Variants in ELP1 observed in about 807,000 individuals in gnomAD.
ELP1 encodes the protein elongator complex protein 1.
Under a neutral mutation model 183.2 loss-of-function variants are expected in ELP1, and 131 were observed. The ratio of observed to expected loss-of-function variants is 0.72; its 90% CI spans 0.62 to 0.83. The LOEUF is 0.83. ELP1 is among the 40% of genes least tolerant of loss of function. The pLI is 0.00. For synonymous variants in ELP1, 555 were observed against 569.0 expected, an observed-to-expected ratio of 0.98 and a Z score of 0.35; for missense variants, 1,550 against 1,594.9, an observed-to-expected ratio of 0.97 and a Z score of 0.48.
chr9:108,921,031 A>C (rs1829625590), intron 6 of ELP1, among the ~76,000 whole-genome samples: 1 of 152,086 alleles, frequency 6.6e-6, no homozygotes, highest in Admixed American at 6.5e-5. Context: ...TTAAAGTACT[A>C]TTTTTTAACA....
intron 35 of ELP1, chr9:108,875,806 C>A: frequency 3.0e-6 from 1 of 338,492 alleles, no homozygotes; most frequent in Non-Finnish European, 5.8e-6. Context: ...CAGGAGACTG[C>A]GGTGGGAGGA....
At chr9:108,878,503 T>C in intron 34 of ELP1, 120 bp downstream of exon 34, 1 of 1,336,118 alleles carries the variant, frequency 7.5e-7, no homozygotes, top group African/African-American at 1.4e-5. Context: ...CTGCTAAAAG[T>C]TCTCATCTTT....
intron 33 of ELP1, 92 bp downstream of exon 33, chr9:108,879,354 T>A (rs1827824331): frequency 1.1e-5 from 10 of 915,440 alleles, no homozygotes; most frequent in South Asian, 1.1e-4. Context: ...CCACTCCCAC[T>A]ACACCGTCCC....
In ELP1 at chr9:108,923,876, A is replaced by G. The variant is rs565846483; in HGVS notation, c.467-949T>C. Among the ~76,000 whole-genome samples the G allele has an allele frequency of 2.0e-5, 3 of 152,362 alleles. No homozygotes were observed. In the South Asian group the frequency reaches 6.2e-4, roughly 32 times the overall value. ...GCACAATAAAGATGGTCCTGAAAAC[A>G]TCACCTAATCCAGGACCCAATACTT... On this transcript the variant is annotated intron_variant, in intron 5 of 36. Transcript: ENST00000374647.
intron 8 of ELP1, 36 bp from the exon 9 acceptor site, chr9:108,917,706 C>G: frequency 6.2e-7 from 1 of 1,611,316 alleles, no homozygotes; most frequent in Non-Finnish European, 8.5e-7. Flanking sequence ...ATATCGAAAG[C>G]TCACCTAACT....
intron 29 of ELP1, among the ~76,000 whole-genome samples, chr9:108,884,740 T>C (rs982976061): frequency 6.6e-6 from 1 of 152,216 alleles, no homozygotes; most frequent in African/African-American, 2.4e-5. Context: ...TATGGCATTA[T>C]ATGCTTAAAC....
Position 108,917,632 on chromosome 9 carries a change from G to T in ELP1, c.779C>A (p.Pro260His). The T allele has an allele frequency of 6.2e-7, 1 of 1,613,882 alleles. No individual in the cohort carries two copies. The highest frequency in any genetic ancestry group is 8.5e-7 in the Non-Finnish European group (1 of 1,179,858). Reference protein sequence around the residue: ...GSLIASTQDKPNQQDIVFFEK... With the variant: ...GSLIASTQDKHNQQDIVFFEK... ...AAAAAACACAATATCCTGCTGGTTG[G>T]GTTTATCTTGTGTAGATGCAATCAA... Residue 260 changes from proline (P) to histidine (H), a missense_variant, in exon 9 of 37, where the codon CCC (proline) becomes CAC (histidine). Coordinates refer to ENST00000374647, the MANE Select transcript of ELP1 (RefSeq NM_003640.5).
chr9:108,899,114 T>C (rs572903215), intron 20 of ELP1, among the ~76,000 whole-genome samples: 4 of 151,334 alleles, frequency 2.6e-5, no homozygotes, highest in Non-Finnish European at 5.9e-5. Context: ...CTGGCCAACA[T>C]GGTGAAACCC....
rs139542211 is a variant in ELP1 at position 108,901,707 on chromosome 9, C to G, written c.1855-26G>C. 1.2e-5 allele frequency: 20 copies of G among 1,610,236 alleles called. No homozygotes were observed. The African/African-American group carries it at 2.4e-4, about 19-fold the overall frequency. ...CTGCAAAGAAATAAAACTGAAATCA[C>G]AAGCAATTCTATCTCAAATCAGTTA... On this transcript the variant is annotated intron_variant, in intron 16 of 36. Transcript: ENST00000374647.
Position 108,898,765 on chromosome 9 carries a change from G to A in ELP1, c.2205-16C>T. On this transcript the variant is annotated splice_polypyrimidine_tract_variant and intron_variant, in intron 20 of 36. Transcript: ENST00000374647. ...AAACATAAGTCTGTGAGAAGACAGA[G>A]AAAGAATAGAAAAGATATTCACAAA... The A allele has an allele frequency of 1.3e-6, 2 of 1,569,836 alleles. No homozygotes were observed. The highest frequency in any genetic ancestry group is 8.8e-7 in the Non-Finnish European group (1 of 1,142,284).
Position 108,903,581 on chromosome 9 carries a change from T to C in ELP1, c.1732A>G (p.Ile578Val). Residue 578 changes from isoleucine (I) to valine (V), a missense_variant, in exon 15 of 37, where the codon ATA (isoleucine) becomes GTA (valine). Coordinates refer to ENST00000374647, the MANE Select transcript of ELP1 (RefSeq NM_003640.5). ...TACTCACCCCAAAGGTACTTAAATA[T>C]CTGGCCATCAGCCAGCTGTAATACT... ...SVVLQLADGQ[I>V]FKYLWESPSL... 6.2e-7 allele frequency: 1 copy of C among 1,612,640 alleles called. No individual in the cohort carries two copies. The highest frequency in any genetic ancestry group is 2.2e-5 in the East Asian group (1 of 44,860).
chr9:108,899,960 C>T (rs1828704893), intron 19 of ELP1, 65 bp from the exon 20 acceptor site: 4 of 1,250,756 alleles, frequency 3.2e-6, no homozygotes, highest in Non-Finnish European at 4.7e-6. Flanking sequence ...CCAGGATACA[C>T]CATTTTACCT....
chr9:108,902,919 G>A lies in ELP1; in HGVS notation c.1774C>T (p.Pro592Ser), dbSNP rs376596678. ...GGAAATCCACCAGAGTTCTTCCATG[G>A]TTTAATAGCCAGAGAAGGTGACTCT... ...LWESPSLAIKPWKNSGGFPVR... is the reference protein window; with the variant it reads ...LWESPSLAIKSWKNSGGFPVR... Residue 592 changes from proline (P) to serine (S), a missense_variant, in exon 16 of 37, where the codon CCA becomes TCA. Pro to Ser is a moderately conservative substitution (Grantham distance 74). Coordinates refer to ENST00000374647, the MANE Select transcript of ELP1 (RefSeq NM_003640.5). 6.2e-7 allele frequency: 1 copy of A among 1,613,914 alleles called. No homozygotes were observed. Among genetic ancestry groups the A allele is most frequent in the African/African-American group, 1.3e-5 (1 of 75,002 alleles).
At chr9:108,915,247 C>T (rs1259302173) in intron 10 of ELP1, among the ~76,000 whole-genome samples, 1 of 152,096 alleles carries the variant, frequency 6.6e-6, no homozygotes, top group Non-Finnish European at 1.5e-5. Flanking sequence ...TGACTTACAA[C>T]AGTTAATTTT....
chr9:108,911,211 C>A lies in ELP1; in HGVS notation c.1190-31G>T, dbSNP rs767990348. 16 of 1,605,198 alleles carry A rather than the reference C, an allele frequency of 1.0e-5. No homozygotes were observed. In the Admixed American group the frequency reaches 1.7e-4, roughly 17 times the overall value. On this transcript the variant is annotated intron_variant, in intron 11 of 36. Transcript: ENST00000374647. ...GTGAAAAAGAAAGAAGAGGATTAGACCTAGGGATATTCAATTTGTAAGATA... is the reference window on the plus strand; with the variant it reads ...GTGAAAAAGAAAGAAGAGGATTAGAACTAGGGATATTCAATTTGTAAGATA...
Position 108,891,531 on chromosome 9 carries a change from G to A in ELP1, c.2959-127C>T, listed in dbSNP as rs1828336911. On this transcript the variant is annotated intron_variant, in intron 27 of 36. Transcript: ENST00000374647. ...AAGAATTACCTGGGAAAATCTTACA[G>A]TTGATCAGTTAGTACAGTCATTTTT... The A allele has an allele frequency of 4.8e-6, 4 of 829,826 alleles. No individual in the cohort carries two copies. In the South Asian group the frequency reaches 5.8e-5, roughly 12 times the overall value. The allele number at this position is 829,826 out of a possible 1,614,324, so 51.4% of individuals were successfully genotyped here. A position where few individuals can be genotyped will look rare whatever the true frequency, so the allele number is the denominator to read the frequency against.
At chr9:108,900,148 C>A in intron 19 of ELP1, 112 bp downstream of exon 19, 1 of 857,934 alleles carries the variant, frequency 1.2e-6, no homozygotes, top group South Asian at 1.4e-5. Context: ...GAAAGGTTTA[C>A]AATAAACGAT....
Position 108,891,240 on chromosome 9 carries a change from G to C in ELP1, c.3123C>G (p.Thr1041=). The C allele has an allele frequency of 6.2e-7, 1 of 1,614,192 alleles. No homozygotes were observed. Among genetic ancestry groups the C allele is most frequent in the African/African-American group, 1.3e-5 (1 of 75,054 alleles). ...TGCCGAGGCCCACCAGCTGGTCTTT[G>C]GTAAAGTTAAGCTGGGCTGCCACAC... ...ALCVAAQLNF[T]KDQLVGLGRT... Residue 1041 remains threonine (T), a synonymous_variant, in exon 28 of 37, where the codon ACC becomes ACG. Transcript: ENST00000374647.
chr9:108,909,132 G>C (rs993166104), intron 12 of ELP1, among the ~76,000 whole-genome samples: 2 of 152,004 alleles, frequency 1.3e-5, no homozygotes, highest in African/African-American at 4.8e-5. Flanking sequence ...TTCACAGAGA[G>C]GCCTTTGGGA....
Sources: gnomAD v4.1 joint callset for allele counts (sites outside exome capture counted in the v4.1 genomes callset) on GRCh38, gnomAD v4.1.1 for gene constraint, MANE v1.5 for transcripts, NCBI Gene and HGNC (gene_info 2026-07-23, HGNC 2026-07-21) for gene names.